Variants in GPR143 observed in about 807,000 individuals in gnomAD.
GPR143 encodes G-protein coupled receptor 143.
A neutral mutation model predicts 27.6 loss-of-function variants in GPR143; 8 were observed. That is an observed-to-expected ratio of 0.29 (90% confidence interval 0.17 to 0.52). GPR143 has a LOEUF of 0.52. GPR143 is among the 20% of genes least tolerant of loss of function. The probability of loss-of-function intolerance (pLI) is 0.96; values close to 1 mark genes in which losing one functional copy is unlikely to be tolerated. For missense variants in GPR143, 303 were observed against 343.1 expected, an observed-to-expected ratio of 0.88 and a Z score of 0.92; for synonymous variants, 156 against 153.2, an observed-to-expected ratio of 1.02 and a Z score of -0.13.
At chrX:9,761,082 TA>T (rs1446231597) in intron 1 of GPR143, among the ~76,000 whole-genome samples, 1 of 111,322 alleles carries the variant, frequency 9.0e-6, no homozygotes, top group East Asian at 2.8e-4. Context: ...AACTTTTTTT[TA>T]TTTTTATTTT....
intron 8 of GPR143, among the ~76,000 whole-genome samples, chrX:9,726,641 G>C (rs1188621123): frequency 8.9e-6 from 1 of 112,040 alleles, no homozygotes; most frequent in Non-Finnish European, 1.9e-5. Flanking sequence ...TGGATTTCAT[G>C]GCAGTTTGCT....
At chrX:9,772,604 T>G in intron 1 of GPR143, among the ~76,000 whole-genome samples, 1 of 108,390 alleles carries the variant, frequency 9.2e-6, no homozygotes, top group African/African-American at 3.4e-5. Flanking sequence ...AGCTCAGGAG[T>G]CCAAGACCAG....
rs955144436 is a variant in GPR143 at position 9,762,555 on chromosome X, C to G, written c.251-1729G>C. Among the ~76,000 whole-genome samples the G allele has an allele frequency of 2.7e-5, 3 of 111,412 alleles. No individual in the cohort carries two copies. The Admixed American group carries it at 2.9e-4, about 11-fold the overall frequency. ...CATATAATATGCAACACACACCATGCGATACACCACTAAACAAATGCTACG... is the reference window on the plus strand; with the variant it reads ...CATATAATATGCAACACACACCATGGGATACACCACTAAACAAATGCTACG... On this transcript the variant is annotated intron_variant, in intron 1 of 8. Transcript: ENST00000467482.
In GPR143 at chrX:9,725,650, C is replaced by G; in HGVS notation, c.*96G>C. 1 of 662,040 alleles carries G rather than the reference C, an allele frequency of 1.5e-6. No homozygotes were observed. The highest frequency in any genetic ancestry group is 3.4e-5 in the East Asian group (1 of 29,059). 54.6% of individuals were successfully genotyped at this position (662,040 alleles called of 1,213,427 possible). On this transcript the variant is annotated 3_prime_UTR_variant, in exon 9 of 9. Transcript: ENST00000467482. ...GCAAGGTTTGGGGGCCGCTACACTT[C>G]GGCAGTGCAGTGTTGGGAAGGTGAG...
At chrX:9,730,560 G>A (rs1176043907) in intron 8 of GPR143, among the ~76,000 whole-genome samples, 1 of 111,797 alleles carries the variant, frequency 8.9e-6, no homozygotes, top group Non-Finnish European at 1.9e-5. Context: ...GCAGAGGAGT[G>A]GAATAATGTC....
intron 3 of GPR143, among the ~76,000 whole-genome samples, chrX:9,753,717 C>T (rs1472937320): frequency 9.0e-6 from 1 of 111,657 alleles, no homozygotes; most frequent in Non-Finnish European, 1.9e-5. Flanking sequence ...ATACCTGGCT[C>T]ACCCGATAAG....
chrX:9,761,117 G>A (rs1006445442), intron 1 of GPR143, among the ~76,000 whole-genome samples: 8 of 109,403 alleles, frequency 7.3e-5, no homozygotes, highest in Middle Eastern at 4.3e-3. Context: ...TTTTTGAGAC[G>A]GAGTCTGGCT....
At position 9,765,751 on chromosome X, in the gene GPR143, T is replaced by C; in HGVS notation, c.67A>G (p.Ser23Gly). 1 of 1,124,824 alleles carries C rather than the reference T, an allele frequency of 8.9e-7. No homozygotes were observed. The highest frequency in any genetic ancestry group is 1.9e-5 in the African/African-American group (1 of 53,284). The allele number at this position is 1,124,824 out of a possible 1,213,427, so 92.7% of individuals were successfully genotyped here. Residue 23 changes from serine (S) to glycine (G), a missense_variant, in exon 1 of 9, where the codon AGC becomes GGC. Coordinates refer to ENST00000467482, the MANE Select transcript of GPR143 (RefSeq NM_000273.3). The part of the protein sequence containing the change: ...TRDAATQLVL[S>G]FQPRAFHALC... ...GCGTGGAAGGCCCGCGGCTGGAAGC[T>C]CAGCACGAGCTGCGTGGCTGCGTCC...
rs144675528 is a variant in GPR143 at position 9,740,408 on chromosome X, A to G, written c.886-689T>C. ...AAAGCAATATAAATATGGATTCTGT[A>G]TAGTACAATATGCACCTCCCTGCCA... On this transcript the variant is annotated intron_variant, in intron 7 of 8. Transcript: ENST00000467482. Among the ~76,000 whole-genome samples the G allele has an allele frequency of 9.9e-3, 1,113 of 112,605 alleles. 14 individuals carry two copies. Among genetic ancestry groups the G allele is most frequent in the African/African-American group, 0.035 (1,078 of 31,021 alleles).
At chrX:9,744,665 A>T (rs1179643451) in intron 5 of GPR143, among the ~76,000 whole-genome samples, 2 of 112,041 alleles carry the variant, frequency 1.8e-5, no homozygotes, top group African/African-American at 3.2e-5. Flanking sequence ...AGATCACGTC[A>T]ATTCACTCCA....
intron 8 of GPR143, among the ~76,000 whole-genome samples, chrX:9,728,338 G>A (rs191031278): frequency 9.9e-4 from 107 of 108,523 alleles, no homozygotes; most frequent in African/African-American, 3.6e-3. Context: ...AAAGAAAAGG[G>A]CAGGAACAAG....
At chrX:9,772,719 C>T (rs1251837033) in intron 1 of GPR143, among the ~76,000 whole-genome samples, 7 of 98,536 alleles carry the variant, frequency 7.1e-5, no homozygotes, top group African/African-American at 1.9e-4. Context: ...GGGGCTGAGG[C>T]GGGAGGATTG....
In GPR143 at chrX:9,748,684, C is replaced by A; in HGVS notation, c.456-18G>T. 9.2e-7 allele frequency: 1 copy of A among 1,086,900 alleles called. No individual in the cohort carries two copies. Among genetic ancestry groups the A allele is most frequent in the Non-Finnish European group, 1.3e-6 (1 of 783,720 alleles). 89.6% of individuals were successfully genotyped at this position (1,086,900 alleles called of 1,213,427 possible). A position where few individuals can be genotyped will look rare whatever the true frequency, so the allele number is the denominator to read the frequency against. On this transcript the variant is annotated intron_variant, in intron 3 of 8. Transcript: ENST00000467482. Reference sequence around the variant, plus strand: ...GGATGGTGCTAGGGGACAAGCACAACAGCAGCCACAGCTCAGTGGGGCACA... The same window carrying A: ...GGATGGTGCTAGGGGACAAGCACAAAAGCAGCCACAGCTCAGTGGGGCACA...
chrX:9,731,346 G>GC lies in GPR143; in HGVS notation c.1121-5507dup, dbSNP rs781749325. The stretch of plus-strand genomic sequence containing the variant: ...ATCATGCTACTGCACTCCAGCCTGG[G>GC]CAACAGAGCAAGACTCTGTCTCAAA... On this transcript the variant is annotated intron_variant, in intron 8 of 8. Transcript: ENST00000467482. Among the ~76,000 whole-genome samples, 5 of 103,686 alleles carry GC rather than the reference G, an allele frequency of 4.8e-5. No individual in the cohort carries two copies. In the East Asian group the frequency reaches 9.5e-4, roughly 20 times the overall value. 90.0% of individuals were successfully genotyped at this position (103,686 alleles called of 115,157 possible).
intron 8 of GPR143, among the ~76,000 whole-genome samples, chrX:9,736,685 A>C (rs1165578031): frequency 9.0e-6 from 1 of 111,566 alleles, no homozygotes; most frequent in Non-Finnish European, 1.9e-5. Context: ...TTACCTAATA[A>C]TATGTCACTT....
At chrX:9,740,224 C>T (rs980359218) in intron 7 of GPR143, among the ~76,000 whole-genome samples, 1 of 111,834 alleles carries the variant, frequency 8.9e-6, no homozygotes, top group Non-Finnish European at 1.9e-5. Context: ...GTTCCTGAGG[C>T]TCAGACGGAG....
intron 8 of GPR143, 87 bp from the exon 9 acceptor site, chrX:9,725,927 T>C: frequency 9.2e-7 from 1 of 1,084,296 alleles, no homozygotes; most frequent in East Asian, 4.0e-5. Context: ...ATTCAGTGCA[T>C]GGAGTTTTTC....
intron 1 of GPR143, among the ~76,000 whole-genome samples, chrX:9,764,488 A>G (rs2083517559): frequency 9.7e-6 from 1 of 102,675 alleles, no homozygotes; most frequent in African/African-American, 3.8e-5. Context: ...CACAATAGAA[A>G]AGAATTTACA....
At chrX:9,768,361 T>C (rs964358222), upstream of GPR143, among the ~76,000 whole-genome samples, 7 of 111,343 alleles carry the variant, frequency 6.3e-5, no homozygotes, top group African/African-American at 2.0e-4. Context: ...AGCCCATCTC[T>C]AGCGTCTTCC....
Sources: allele counts gnomAD v4.1 joint callset (sites outside exome capture counted in the v4.1 genomes callset), GRCh38; gene constraint gnomAD v4.1.1; transcripts MANE v1.5; gene names NCBI Gene and HGNC (gene_info 2026-07-23, HGNC 2026-07-21).